Variants in SLC9A5 observed in about 807,000 individuals in gnomAD.
SLC9A5 encodes solute carrier family 9 member A5, also known as sodium/hydrogen exchanger 5.
SLC9A5 carries 52 observed loss-of-function variants against 91.7 expected under a neutral mutation model. The ratio of observed to expected loss-of-function variants is 0.57; its 90% CI spans 0.45 to 0.71. SLC9A5 has a LOEUF of 0.71. SLC9A5 is among the 30% of genes least tolerant of loss of function. SLC9A5 has a pLI of 0.00. For synonymous variants in SLC9A5, 419 were observed against 474.5 expected (o/e 0.88, Z 1.52); for missense variants, 871 against 1,158.9 (o/e 0.75, Z 3.61).
Position 67,270,759 on chromosome 16 carries a change from G to C in SLC9A5, c.2240G>C (p.Ser747Thr), listed in dbSNP as rs1368365624. The C allele has an allele frequency of 1.9e-6, 3 of 1,610,470 alleles. No individual in the cohort carries two copies. Among genetic ancestry groups the C allele is most frequent in the Admixed American group, 3.3e-5 (2 of 59,816 alleles). Residue 747 changes from serine to threonine, a missense_variant, in exon 16 of 16, where the codon AGC becomes ACC. Physicochemically the swap from Ser to Thr is moderately conservative, Grantham distance 58. Transcript: ENST00000299798. This position sits in a 1 kb window ranked among gnomAD's most constrained non-coding sequence, Gnocchi z 4.3. ...KVSGSLEVCP[S>T]PRIIPPSPTC... Reference sequence around the variant, plus strand: ...CCAGGAAGCCTTGAGGTGTGCCCAAGCCCACGAATCATTCCCCCCTCCCCA... The same window carrying C: ...CCAGGAAGCCTTGAGGTGTGCCCAACCCCACGAATCATTCCCCCCTCCCCA...
At chr16:67,268,661 TATATATATATATATATATA>T (rs2035803581) in intron 15 of SLC9A5, among the ~76,000 whole-genome samples, 1 of 16,824 alleles carries the variant, frequency 5.9e-5, no homozygotes, top group African/African-American at 3.6e-4. Context: ...TCCCTGATTA[TATATATATATATATATATA>T]TATATATATA....
rs780824445 is a variant in SLC9A5, at chr16:67,259,787, CT to C, written c.1716-32del. 15 of 1,610,714 alleles carry C rather than the reference CT, an allele frequency of 9.3e-6. No individual in the cohort carries two copies. In the East Asian group the frequency reaches 2.9e-4, roughly 31 times the overall value. On this transcript the variant is annotated intron_variant, in intron 11 of 15. Coordinates refer to ENST00000299798, the MANE Select transcript of SLC9A5 (RefSeq NM_004594.3). ...CTTCTCCTGGACTGCCTCCTGCCCC[CT>C]CTCCAGCACATGTGTCCCCTGCCTC...
intron 14 of SLC9A5, among the ~76,000 whole-genome samples, chr16:67,265,637 G>A (rs947476142): frequency 1.3e-5 from 2 of 152,264 alleles, no homozygotes; most frequent in African/African-American, 2.4e-5. Flanking sequence ...TGGCCTGGCT[G>A]GTCTTGAATG....
Position 67,265,124 on chromosome 16 carries a change from T to A in SLC9A5, c.2080+18T>A, listed in dbSNP as rs1447782188. On this transcript the variant is annotated intron_variant, in intron 14 of 15. Transcript: ENST00000299798. Reference sequence around the variant, plus strand: ...GGACACAGGCAAGCAGGGAGCAGTGTGGGATTGAGGATGGGAGGGAGGAGG... The same window carrying A: ...GGACACAGGCAAGCAGGGAGCAGTGAGGGATTGAGGATGGGAGGGAGGAGG... The A allele has an allele frequency of 1.9e-6, 3 of 1,612,594 alleles. No homozygotes were observed. Among genetic ancestry groups the A allele is most frequent in the Non-Finnish European group, 2.5e-6 (3 of 1,179,076 alleles).
At position 67,258,739 on chromosome 16, in the gene SLC9A5, T is replaced by G. The variant is rs528195906; in HGVS notation, c.1626+292T>G. ...AGCACACTCTCTGAGCCTGTTTCCT[T>G]AGCTGTAAGAAAGCAGGCATAAGAG... is the stretch of plus-strand genomic sequence containing the variant. On this transcript the variant is annotated intron_variant, in intron 10 of 15. Transcript: ENST00000299798. This position sits in a 1 kb window ranked among gnomAD's most constrained non-coding sequence, Gnocchi z 4.5. Among the ~76,000 whole-genome samples the G allele has an allele frequency of 3.9e-5, 6 of 152,186 alleles. No homozygotes were observed. The highest frequency in any genetic ancestry group is 8.8e-5 in the Non-Finnish European group (6 of 68,026).
intron 12 of SLC9A5, 150 bp downstream of exon 12, chr16:67,260,096 C>G: frequency 3.5e-6 from 4 of 1,142,710 alleles, no homozygotes; most frequent in Non-Finnish European, 4.8e-6. Context: ...TGCCTGTAAT[C>G]TCAGCACTTT....
chr16:67,259,961 G>C lies in SLC9A5; in HGVS notation c.1842+15G>C, dbSNP rs201319737. The C allele has an allele frequency of 3.1e-6, 5 of 1,612,462 alleles. No homozygotes were observed. In the South Asian group the frequency reaches 3.3e-5, roughly 11 times the overall value. ...CGCGCCGTAGGGTGAGAGCAGGCAG[G>C]CATCAGGATTTTGAGGGGGTGGAGG... is the stretch of plus-strand genomic sequence containing the variant. On this transcript the variant is annotated intron_variant, in intron 12 of 15. Coordinates refer to ENST00000299798, the MANE Select transcript of SLC9A5 (RefSeq NM_004594.3).
In SLC9A5 at chr16:67,249,055, CG is replaced by C; in HGVS notation, c.46del (p.Ala16ArgfsTer19). 1.3e-6 allele frequency: 2 copies of C among 1,506,768 alleles called. No individual in the cohort carries two copies. Among genetic ancestry groups the C allele is most frequent in the Admixed American group, 2.1e-5 (1 of 47,578 alleles). The allele number at this position is 1,506,768 out of a possible 1,614,324, so 93.3% of individuals were successfully genotyped here. On this transcript the variant is annotated frameshift_variant, in exon 1 of 16. Coordinates refer to ENST00000299798, the MANE Select transcript of SLC9A5 (RefSeq NM_004594.3). LOFTEE classifies it high-confidence loss of function. ...CTGTCCCTGCTCGCGCTGCCCCTGG[CG>C]GGGGCGGCCGAAGAGCCCACCCAGA... ...AALSLLALPL[A>X]GAAEEPTQKP...
chr16:67,249,863 C>T (rs1163488314), intron 1 of SLC9A5, among the ~76,000 whole-genome samples: 2 of 152,168 alleles, frequency 1.3e-5, no homozygotes, highest in African/African-American at 4.8e-5. Context: ...TTCATACATC[C>T]GACCTCTTCA....
Position 67,257,021 on chromosome 16 carries a change from CTCG to C in SLC9A5, c.1246_1248del (p.Val416del). 1 of 1,613,938 alleles carries C rather than the reference CTCG, an allele frequency of 6.2e-7. No individual in the cohort carries two copies. The highest frequency in any genetic ancestry group is 8.5e-7 in the Non-Finnish European group (1 of 1,180,030). ...CCTGCGGGGGGCTGTGGCCTTTGCT[CTCG>C]TCATCCTACTGGATAGGACCAAGGT... On this transcript the variant is annotated inframe_deletion, in exon 7 of 16. Transcript: ENST00000299798. The surrounding 1 kb of genome is among the most constrained non-coding windows in gnomAD (Gnocchi z 5.1).
At position 67,256,780 on chromosome 16, in the gene SLC9A5, A is replaced by G; in HGVS notation, c.1132+91A>G. The G allele has an allele frequency of 7.4e-7, 1 of 1,356,658 alleles. No individual in the cohort carries two copies. The highest frequency in any genetic ancestry group is 1.2e-5 in the South Asian group (1 of 84,316). 84.0% of individuals were successfully genotyped at this position (1,356,658 alleles called of 1,614,324 possible). On this transcript the variant is annotated intron_variant, in intron 6 of 15. Transcript: ENST00000299798. This position sits in a 1 kb window ranked among gnomAD's most constrained non-coding sequence, Gnocchi z 4.1. ...CCTATCTGAGTCCACATCTTTGTCAATTCCTAAGCCTCCTCTTGTTGCTCA... is the reference window on the plus strand; with the variant it reads ...CCTATCTGAGTCCACATCTTTGTCAGTTCCTAAGCCTCCTCTTGTTGCTCA...
rs369068051 is a variant in SLC9A5 at position 67,257,616 on chromosome 16, C to T, written c.1496+15C>T. On this transcript the variant is annotated intron_variant, in intron 9 of 15. Transcript: ENST00000299798. This position sits in a 1 kb window ranked among gnomAD's most constrained non-coding sequence, Gnocchi z 5.1. Reference sequence around the variant, plus strand: ...TGGAGGGACAGGTGAGGGAGCTGCCCCGAGGCTCCTTCAGCAGCAGCAGCC... The same window carrying T: ...TGGAGGGACAGGTGAGGGAGCTGCCTCGAGGCTCCTTCAGCAGCAGCAGCC... The T allele has an allele frequency of 3.8e-5, 62 of 1,613,404 alleles. No homozygotes were observed. Among genetic ancestry groups the T allele is most frequent in the Admixed American group, 1.0e-4 (6 of 60,016 alleles).
At chr16:67,266,458 C>T (rs1294458599) in intron 15 of SLC9A5, among the ~76,000 whole-genome samples, 1 of 152,174 alleles carries the variant, frequency 6.6e-6, no homozygotes, top group Non-Finnish European at 1.5e-5. Flanking sequence ...TGTGACTTGT[C>T]CAGCATCACA....
chr16:67,249,716 A>T (rs2035039633), intron 1 of SLC9A5, among the ~76,000 whole-genome samples: 1 of 151,994 alleles, frequency 6.6e-6, no homozygotes, highest in Admixed American at 6.6e-5. Flanking sequence ...CCTGCTCCCC[A>T]CTTAAAGCTG....
At chr16:67,250,490 T>C (rs1410104977) in intron 1 of SLC9A5, among the ~76,000 whole-genome samples, 1 of 152,154 alleles carries the variant, frequency 6.6e-6, no homozygotes, top group African/African-American at 2.4e-5. Context: ...GCTAAGTCTG[T>C]GAGTTGCAGA....
At chr16:67,267,620 T>C (rs2035764446) in intron 15 of SLC9A5, among the ~76,000 whole-genome samples, 6 of 152,118 alleles carry the variant, frequency 3.9e-5, no homozygotes, top group Admixed American at 3.9e-4. Context: ...TGCCCTCAAG[T>C]AGATCCCCAG....
In SLC9A5 at chr16:67,255,271, C is replaced by A; in HGVS notation, c.654+87C>A. 2 of 1,544,028 alleles carry A rather than the reference C, an allele frequency of 1.3e-6. No homozygotes were observed. Among genetic ancestry groups the A allele is most frequent in the Admixed American group, 3.4e-5 (2 of 58,180 alleles). On this transcript the variant is annotated intron_variant, in intron 3 of 15. Coordinates refer to ENST00000299798, the MANE Select transcript of SLC9A5 (RefSeq NM_004594.3). The surrounding 1 kb of genome is among the most constrained non-coding windows in gnomAD (Gnocchi z 4.9). ...GGTCTGCGCAGACTCAGTCCCTTCC[C>A]TTGGGTCCCCTGGGGCAGAAATATG... is the stretch of plus-strand genomic sequence containing the variant.
chr16:67,257,392 T>C lies in SLC9A5; in HGVS notation c.1383T>C (p.Ser461=). The change falls in exon 8 of 16, where the codon AGT becomes AGC. Residue 461 remains serine (S), a synonymous_variant. Transcript: ENST00000299798. The surrounding 1 kb of genome is among the most constrained non-coding windows in gnomAD (Gnocchi z 5.1). The part of the protein sequence containing the change: ...PLVKWLKVKR[S]EHHKPTLNQE... ...TCAAATGGCTGAAGGTGAAGAGGAG[T>C]GAGCATCACAAACCCACCCTGAACC... 6.2e-7 allele frequency: 1 copy of C among 1,613,692 alleles called. No individual in the cohort carries two copies. Among genetic ancestry groups the C allele is most frequent in the Non-Finnish European group, 8.5e-7 (1 of 1,179,900 alleles).
intron 1 of SLC9A5, among the ~76,000 whole-genome samples, chr16:67,251,908 T>C (rs932910488): frequency 1.3e-5 from 2 of 152,102 alleles, no homozygotes; most frequent in Admixed American, 6.5e-5. Context: ...AAAAAGATAC[T>C]GGGTAGCATT....
Sources: gnomAD v4.1 joint callset for allele counts (sites outside exome capture counted in the v4.1 genomes callset) on GRCh38, gnomAD v4.1.1 for gene constraint, Gnocchi (gnomAD v3.1) non-coding constraint, MANE v1.5 for transcripts, NCBI Gene and HGNC (gene_info 2026-07-23, HGNC 2026-07-21) for gene names.